The following TADA2A variants were observed in gnomAD, a reference collection of about 807,000 sequenced individuals.
The protein encoded by TADA2A is transcriptional adaptor 2A.
A neutral mutation model predicts 67.4 loss-of-function variants in TADA2A; 38 were observed. The observed-to-expected ratio is 0.56, with a 90% CI of 0.44 to 0.74. The LOEUF is 0.74. TADA2A is among the 30% of genes least tolerant of loss of function. TADA2A has a pLI of 0.00. For synonymous variants in TADA2A, 192 were observed against 181.6 expected (o/e 1.06, Z -0.46); for missense variants, 454 against 547.0 (o/e 0.83, Z 1.70).
At position 37,437,125 on chromosome 17, in the gene TADA2A, G is replaced by A. The variant is rs1161731012; in HGVS notation, c.193-613G>A. ...TTTTGAAACGGAGTCTTGCTCTGTC[G>A]CCCAGGCTGGAGTGCAGTGGCGCGA... On this transcript the variant is annotated intron_variant, in intron 4 of 15. Coordinates refer to ENST00000615182, the MANE Select transcript of TADA2A (RefSeq NM_001166105.3). Among the ~76,000 whole-genome samples the A allele has an allele frequency of 5.6e-5, 8 of 142,972 alleles. 1 individual carries two copies. Among genetic ancestry groups the A allele is most frequent in the South Asian group, 2.2e-4 (1 of 4,486 alleles). 93.8% of individuals were successfully genotyped at this position (142,972 alleles called of 152,430 possible). A position where few individuals can be genotyped will look rare whatever the true frequency, so the allele number is the denominator to read the frequency against.
chr17:37,433,385 C>T (rs954364889), intron 4 of TADA2A, among the ~76,000 whole-genome samples: 6 of 152,078 alleles, frequency 3.9e-5, no homozygotes, highest in African/African-American at 1.2e-4. Context: ...TGGCCGGGTG[C>T]GGTGGCTCCT....
At chr17:37,444,860 T>C (rs1209629010) in intron 8 of TADA2A, 92 bp downstream of exon 8, 2 of 1,142,692 alleles carry the variant, frequency 1.8e-6, no homozygotes, top group Non-Finnish European at 2.6e-6. Flanking sequence ...ATAGAACATG[T>C]CCCCTGCCCT....
chr17:37,442,020 T>C (rs1428414360), intron 6 of TADA2A, among the ~76,000 whole-genome samples: 1 of 152,116 alleles, frequency 6.6e-6, no homozygotes, highest in Non-Finnish European at 1.5e-5. Flanking sequence ...TCAAATCCAT[T>C]AGACCATTTG....
intron 2 of TADA2A, among the ~76,000 whole-genome samples, chr17:37,413,217 G>A (rs757579924): frequency 1.3e-4 from 20 of 152,050 alleles, no homozygotes; most frequent in Non-Finnish European, 2.4e-4. Context: ...GTGAGCCACC[G>A]CTCCCGGCCT....
intron 2 of TADA2A, among the ~76,000 whole-genome samples, chr17:37,412,955 T>C (rs2051923452): frequency 6.6e-6 from 1 of 151,760 alleles, no homozygotes; most frequent in East Asian, 1.9e-4. Flanking sequence ...TGAGATGGAG[T>C]CTTGCTGCAT....
intron 4 of TADA2A, among the ~76,000 whole-genome samples, chr17:37,437,303 G>A (rs970893335): frequency 1.3e-5 from 2 of 151,718 alleles, no homozygotes; most frequent in African/African-American, 2.4e-5. Flanking sequence ...GTGTTAGCCA[G>A]GATGGTCTCG....
At chr17:37,465,746 C>A in intron 11 of TADA2A, 1 of 735,038 alleles carries the variant, frequency 1.4e-6, no homozygotes, top group Non-Finnish European at 2.1e-6. Context: ...CCCCATTGCC[C>A]CAGATAAACA....
At chr17:37,458,049 T>C (rs2053443848) in intron 8 of TADA2A, among the ~76,000 whole-genome samples, 1 of 152,166 alleles carries the variant, frequency 6.6e-6, no homozygotes. Flanking sequence ...TACCCATTAG[T>C]TATTTTTCCT....
At chr17:37,445,602 A>G (rs1297762093) in intron 8 of TADA2A, among the ~76,000 whole-genome samples, 1 of 152,142 alleles carries the variant, frequency 6.6e-6, no homozygotes, top group Non-Finnish European at 1.5e-5. Flanking sequence ...TTAGCCCTCT[A>G]AGGGTTTATG....
intron 9 of TADA2A, among the ~76,000 whole-genome samples, chr17:37,460,754 A>G (rs971890266): frequency 1.3e-5 from 2 of 152,048 alleles, no homozygotes; most frequent in Admixed American, 1.3e-4. Flanking sequence ...AGAGGGTATA[A>G]GTGTGCATGT....
intron 8 of TADA2A, among the ~76,000 whole-genome samples, chr17:37,445,337 C>T (rs1277841054): frequency 1.3e-5 from 2 of 152,206 alleles, no homozygotes; most frequent in Non-Finnish European, 2.9e-5. Context: ...GCGATCTTGG[C>T]TCACTGCAAC....
chr17:37,416,610 T>A (rs2052055770), intron 2 of TADA2A, among the ~76,000 whole-genome samples: 1 of 152,130 alleles, frequency 6.6e-6, no homozygotes, highest in East Asian at 1.9e-4. Context: ...CTCACGCCTG[T>A]AATCCCAGCA....
intron 8 of TADA2A, among the ~76,000 whole-genome samples, chr17:37,452,573 C>T (rs1381794162): frequency 1.3e-5 from 2 of 152,158 alleles, no homozygotes; most frequent in Admixed American, 1.3e-4. Flanking sequence ...AGAGGCACTT[C>T]CTATCCTTGT....
chr17:37,468,679 T>A (rs999167709), intron 12 of TADA2A, among the ~76,000 whole-genome samples: 4 of 152,076 alleles, frequency 2.6e-5, no homozygotes, highest in African/African-American at 7.2e-5. Context: ...TATTCAAGTT[T>A]TAATTTTCTA....
At position 37,437,728 on chromosome 17, in the gene TADA2A, T is replaced by C; in HGVS notation, c.193-10T>C. 1 of 1,613,774 alleles carries C rather than the reference T, an allele frequency of 6.2e-7. No individual in the cohort carries two copies. Among genetic ancestry groups the C allele is most frequent in the Non-Finnish European group, 8.5e-7 (1 of 1,179,768 alleles). On this transcript the variant is annotated splice_polypyrimidine_tract_variant and intron_variant, in intron 4 of 15. Coordinates refer to ENST00000615182, the MANE Select transcript of TADA2A (RefSeq NM_001166105.3). ...ATCTCTGTTCTTAAGCAAAACTTTT[T>C]TCTCCTTAGACTTCAGATTTTCCTG...
chr17:37,437,938 CT>C (rs2052782018), intron 5 of TADA2A, 109 bp downstream of exon 5: 1 of 1,030,846 alleles, frequency 9.7e-7, no homozygotes, highest in Non-Finnish European at 1.5e-6. Context: ...TGTTGCTTTC[CT>C]ATCAACCCAT....
intron 4 of TADA2A, among the ~76,000 whole-genome samples, chr17:37,431,676 G>A (rs1304274954): frequency 6.6e-6 from 1 of 151,382 alleles, no homozygotes; most frequent in Non-Finnish European, 1.5e-5. Context: ...CTGGGTCCAA[G>A]CGATTCTCCC....
intron 6 of TADA2A, among the ~76,000 whole-genome samples, chr17:37,441,393 T>C (rs1453534249): frequency 6.6e-6 from 1 of 152,238 alleles, no homozygotes; most frequent in Non-Finnish European, 1.5e-5. Flanking sequence ...TTATTATTAA[T>C]TGCCTTGGTG....
rs60104676 is a variant in TADA2A at position 37,477,465 on chromosome 17, C to CTT, written c.*499_*500dup. 6.0e-4 allele frequency: 85 copies of CTT among 140,988 alleles called. No individual in the cohort carries two copies. Among genetic ancestry groups the CTT allele is most frequent in the Non-Finnish European group, 9.6e-4 (62 of 64,470 alleles). 8.7% of individuals were successfully genotyped at this position (140,988 alleles called of 1,614,324 possible). On this transcript the variant is annotated 3_prime_UTR_variant, in exon 16 of 16. Coordinates refer to ENST00000615182, the MANE Select transcript of TADA2A (RefSeq NM_001166105.3). Reference sequence around the variant, plus strand: ...GTTGAAGGATTTTTTAAGCTGACAACTTTTTTTTTTTTTTTTTGAGACAGA... The same window carrying CTT: ...GTTGAAGGATTTTTTAAGCTGACAACTTTTTTTTTTTTTTTTTTTGAGACAGA...
Sources: gnomAD v4.1 joint callset for allele counts (sites outside exome capture counted in the v4.1 genomes callset) on GRCh38, gnomAD v4.1.1 for gene constraint, MANE v1.5 for transcripts, NCBI Gene and HGNC (gene_info 2026-07-23, HGNC 2026-07-21) for gene names.